The following MAOB variants were observed in gnomAD, a reference collection of about 807,000 sequenced individuals.
MAOB encodes the protein monoamine oxidase B, also known as amine oxidase [flavin-containing] B.
Under a neutral mutation model 41.9 loss-of-function variants are expected in MAOB, and 15 were observed. That is an observed-to-expected ratio of 0.36 (90% CI 0.24 to 0.55). The LOEUF (loss-of-function observed/expected upper bound fraction) is 0.55. Ranked by LOEUF, MAOB falls within the 20% of genes least tolerant of loss-of-function variation. The pLI, the probability that MAOB is intolerant of heterozygous loss-of-function variation, is 0.86. For synonymous variants in MAOB, 167 were observed against 144.2 expected (o/e 1.16, Z -1.13); for missense variants, 345 against 398.7 (o/e 0.87, Z 1.15).
At chrX:43,818,952 C>T (rs1489913585) in intron 3 of MAOB, among the ~76,000 whole-genome samples, 2 of 111,482 alleles carry the variant, frequency 1.8e-5, no homozygotes, top group African/African-American at 6.5e-5. Flanking sequence ...TGGAACAGCC[C>T]CTTGATGGCA....
intron 1 of MAOB, among the ~76,000 whole-genome samples, chrX:43,865,040 C>T (rs992139136): frequency 3.0e-4 from 33 of 111,860 alleles, no homozygotes; most frequent in African/African-American, 8.8e-4. Context: ...CTAGCAGTTT[C>T]GCTCCCGGGT....
rs754706218 is a variant in MAOB, at chrX:43,781,451, A to G, written c.1022T>C (p.Met341Thr). ...TKPEGNYAAI[M>T]GFILAHKARK... ...CAACACCATAATTGTGCCTTACCCC[A>G]TTATGGCAGCATAGTTGCCTTCAGG... Residue 341 changes from methionine to threonine, a missense_variant, in exon 9 of 15, where the codon ATG becomes ACG. Physicochemically the swap from Met to Thr is moderately conservative, Grantham distance 81 (BLOSUM62 -1). Transcript: ENST00000378069. 2 of 1,173,002 alleles carry G rather than the reference A, an allele frequency of 1.7e-6. No homozygotes were observed. Among genetic ancestry groups the G allele is most frequent in the Non-Finnish European group, 2.3e-6 (2 of 869,305 alleles).
At chrX:43,853,733 T>C (rs903294089) in intron 1 of MAOB, among the ~76,000 whole-genome samples, 3 of 110,576 alleles carry the variant, frequency 2.7e-5, no homozygotes, top group Non-Finnish European at 3.8e-5. Flanking sequence ...AAGGCAGAGA[T>C]AGAGTGATGC....
chrX:43,824,316 T>G (rs2034917888), intron 3 of MAOB, among the ~76,000 whole-genome samples: 1 of 112,608 alleles, frequency 8.9e-6, no homozygotes, highest in Admixed American at 9.4e-5. Context: ...AAATCATGAT[T>G]AATATTGTCA....
At position 43,778,838 on chromosome X, in the gene MAOB, G is replaced by A. The variant is rs758913946; in HGVS notation, c.1080-99C>T. On this transcript the variant is annotated intron_variant, in intron 10 of 14. Transcript: ENST00000378069. ...TATCCCCTCATAAAAAAGATTCCAT[G>A]AGCCATTGATTCCACTCCAGCATTT... 1.2e-3 allele frequency: 731 copies of A among 607,084 alleles called. 3 individuals carry two copies. Among genetic ancestry groups the A allele is most frequent in the Non-Finnish European group, 1.8e-3 (678 of 383,598 alleles). The allele number at this position is 607,084 out of a possible 1,213,427, so 50.0% of individuals were successfully genotyped here.
chrX:43,811,079 A>G (rs1026703459), intron 3 of MAOB, among the ~76,000 whole-genome samples: 7 of 112,171 alleles, frequency 6.2e-5, no homozygotes, highest in African/African-American at 2.3e-4. Flanking sequence ...TGGAGCCTGT[A>G]TGTTCAGTTA....
intron 1 of MAOB, chrX:43,850,369 C>G (rs767621561): frequency 8.0e-6 from 6 of 748,968 alleles, no homozygotes; most frequent in Non-Finnish European, 9.5e-6. Flanking sequence ...GGGACTGTAT[C>G]ATTAGAGGAA....
chrX:43,768,639 T>C lies in MAOB; in HGVS notation c.1410+15A>G. ...AGAAAAGATATCTAATTTCATGAAA[T>C]AAAACATAGCCTACCACAGACTCTG... On this transcript the variant is annotated intron_variant, in intron 14 of 14. Coordinates refer to ENST00000378069, the MANE Select transcript of MAOB (RefSeq NM_000898.5). 2 of 1,191,950 alleles carry C rather than the reference T, an allele frequency of 1.7e-6. No homozygotes were observed. The highest frequency in any genetic ancestry group is 2.3e-6 in the Non-Finnish European group (2 of 877,907).
intron 3 of MAOB, among the ~76,000 whole-genome samples, chrX:43,815,432 G>A (rs2034798724): frequency 9.0e-6 from 1 of 111,728 alleles, no homozygotes; most frequent in Admixed American, 9.5e-5. Flanking sequence ...AAATAGAGAC[G>A]ACTATCTACC....
In MAOB at chrX:43,772,454, AACCC is replaced by A. The variant is rs758117912; in HGVS notation, c.1235+2717_1235+2720del. Among the ~76,000 whole-genome samples, 73 of 111,919 alleles carry A rather than the reference AACCC, an allele frequency of 6.5e-4. 1 individual carries two copies. Among genetic ancestry groups the A allele is most frequent in the Non-Finnish European group, 1.2e-3 (64 of 53,225 alleles). On this transcript the variant is annotated intron_variant, in intron 12 of 14. Transcript: ENST00000378069. ...AAGGTATTTATGAAATTGAGCATAA[AACCC>A]ACCACTCTGTGGTCAGAAATCTAAT...
chrX:43,847,872 T>C (rs899933882), intron 1 of MAOB, among the ~76,000 whole-genome samples: 4 of 112,285 alleles, frequency 3.6e-5, no homozygotes, highest in African/African-American at 1.3e-4. Flanking sequence ...GCAGTCCCTA[T>C]GTCCCCATGA....
intron 3 of MAOB, among the ~76,000 whole-genome samples, chrX:43,806,094 T>C (rs997657814): frequency 1.8e-5 from 2 of 112,542 alleles, no homozygotes; most frequent in Non-Finnish European, 3.8e-5. Context: ...CATATACCTT[T>C]CACCTAGTTT....
At chrX:43,830,246 T>C (rs983738545) in intron 3 of MAOB, among the ~76,000 whole-genome samples, 2 of 111,714 alleles carry the variant, frequency 1.8e-5, no homozygotes, top group Admixed American at 9.5e-5. Flanking sequence ...TTTACTTCTC[T>C]AAACTTAGGT....
intron 1 of MAOB, among the ~76,000 whole-genome samples, chrX:43,847,869 C>T (rs1462435137): frequency 2.7e-5 from 3 of 112,161 alleles, no homozygotes; most frequent in African/African-American, 9.7e-5. Flanking sequence ...GAAGCAGTCC[C>T]TATGTCCCCA....
chrX:43,769,972 G>T (rs1033790405), intron 12 of MAOB, among the ~76,000 whole-genome samples: 3 of 111,402 alleles, frequency 2.7e-5, no homozygotes, highest in African/African-American at 9.8e-5. Flanking sequence ...GGTGAGGTCG[G>T]TACTATTATT....
At chrX:43,843,310 A>T (rs1361689017) in intron 2 of MAOB, among the ~76,000 whole-genome samples, 1 of 108,277 alleles carries the variant, frequency 9.2e-6, no homozygotes, top group Non-Finnish European at 1.9e-5. Flanking sequence ...TTAGGAGTGG[A>T]AAGTACATAT....
At chrX:43,785,346 C>A (rs558241273) in intron 8 of MAOB, among the ~76,000 whole-genome samples, 1 of 112,487 alleles carries the variant, frequency 8.9e-6, no homozygotes, top group East Asian at 2.8e-4. Flanking sequence ...TTTTCTTCTG[C>A]AGCTTCAACT....
At chrX:43,878,408 T>TTGTG (rs66511222) in intron 1 of MAOB, among the ~76,000 whole-genome samples, 3,087 of 88,838 alleles carry the variant, frequency 0.035, 126 homozygotes, top group South Asian at 0.16. Context: ...TACCCAGCCT[T>TTGTG]TGTGTGTGTG....
chrX:43,843,987 C>T, intron 1 of MAOB: 1 of 874,989 alleles, frequency 1.1e-6, no homozygotes, highest in East Asian at 4.1e-5. Context: ...AAATCTTAAA[C>T]ACATCCTCTG....
Sources: allele counts gnomAD v4.1 joint callset (sites outside exome capture counted in the v4.1 genomes callset), GRCh38; gene constraint gnomAD v4.1.1; transcripts MANE v1.5; gene names NCBI Gene and HGNC (gene_info 2026-07-23, HGNC 2026-07-21).